The following ADAMTS20 variants were observed in gnomAD, a reference collection of about 807,000 sequenced individuals.
ADAMTS20 encodes ADAM metallopeptidase with thrombospondin type 1 motif 20.
A neutral mutation model predicts 260.1 loss-of-function variants in ADAMTS20; 225 were observed. The observed-to-expected ratio is 0.87, with a 90% CI of 0.78 to 0.97. ADAMTS20 has a LOEUF of 0.97. Ranked by LOEUF, ADAMTS20 falls within the 50% of genes least tolerant of loss-of-function variation. The probability of loss-of-function intolerance (pLI) is 0.00; values close to 1 mark genes in which losing one functional copy is unlikely to be tolerated. For missense variants in ADAMTS20, 2,400 were observed against 2,337.7 expected (o/e 1.03, Z -0.55); for synonymous variants, 802 against 769.5 (o/e 1.04, Z -0.70).
At chr12:43,401,268 T>A (rs1940804424) in intron 28 of ADAMTS20, among the ~76,000 whole-genome samples, 2 of 151,984 alleles carry the variant, frequency 1.3e-5, no homozygotes, top group Admixed American at 1.3e-4. Flanking sequence ...ATATGACTTA[T>A]CTAGACATTG....
chr12:43,421,854 A>T (rs1290468944), intron 28 of ADAMTS20, among the ~76,000 whole-genome samples: 3 of 152,114 alleles, frequency 2.0e-5, no homozygotes, highest in Non-Finnish European at 4.4e-5. Flanking sequence ...TTATGAAAAC[A>T]TATACTATTC....
At chr12:43,536,493 G>T (rs1228631706) in intron 2 of ADAMTS20, among the ~76,000 whole-genome samples, 2 of 135,142 alleles carry the variant, frequency 1.5e-5, no homozygotes, top group Admixed American at 1.4e-4. Flanking sequence ...AATAGAATAT[G>T]CAATAAGTGC....
intron 3 of ADAMTS20, among the ~76,000 whole-genome samples, chr12:43,515,225 G>A (rs1942982003): frequency 6.6e-6 from 1 of 152,074 alleles, no homozygotes; most frequent in Non-Finnish European, 1.5e-5. Context: ...AAATACAAAG[G>A]TAATTCAAAG....
At chr12:43,538,867 T>C (rs999412356) in intron 2 of ADAMTS20, among the ~76,000 whole-genome samples, 1 of 152,052 alleles carries the variant, frequency 6.6e-6, no homozygotes. Context: ...GAAATGAACA[T>C]TTTTGTAACA....
intron 28 of ADAMTS20, among the ~76,000 whole-genome samples, chr12:43,419,466 A>C (rs773501069): frequency 2.6e-5 from 4 of 152,192 alleles, no homozygotes; most frequent in Admixed American, 6.5e-5. Context: ...ACTAATATTA[A>C]GAATGCTTAT....
intron 3 of ADAMTS20, among the ~76,000 whole-genome samples, chr12:43,515,815 G>GA (rs1299966484): frequency 1.3e-5 from 2 of 152,064 alleles, no homozygotes; most frequent in African/African-American, 4.8e-5. Flanking sequence ...ACAAAAGTAG[G>GA]AAAAAATCAA....
chr12:43,399,357 C>A, intron 28 of ADAMTS20, 124 bp from the exon 29 acceptor site: 1 of 834,780 alleles, frequency 1.2e-6, no homozygotes, highest in South Asian at 3.1e-5. Flanking sequence ...AAGATATGCT[C>A]TAGTATTTCT....
chr12:43,468,040 C>A (rs1453562956), intron 8 of ADAMTS20, among the ~76,000 whole-genome samples: 1 of 152,046 alleles, frequency 6.6e-6, no homozygotes, highest in African/African-American at 2.4e-5. Flanking sequence ...GGCCTCTATT[C>A]TTACAACACA....
At chr12:43,355,328 T>C (rs7132939) in intron 38 of ADAMTS20, among the ~76,000 whole-genome samples, 3,432 of 152,322 alleles carry the variant, frequency 0.023, 58 homozygotes, top group East Asian at 0.085. Flanking sequence ...TTTGCATTTC[T>C]GTAAGTATAT....
intron 14 of ADAMTS20, among the ~76,000 whole-genome samples, chr12:43,447,577 T>C (rs1783720249): frequency 6.6e-6 from 1 of 152,088 alleles, no homozygotes; most frequent in African/African-American, 2.4e-5. Context: ...CCTTGAAAAC[T>C]GGCAGAAGAC....
chr12:43,454,375 T>C (rs1289343518), intron 11 of ADAMTS20, among the ~76,000 whole-genome samples: 2 of 152,166 alleles, frequency 1.3e-5, no homozygotes, highest in African/African-American at 2.4e-5. Context: ...ATATGGTATA[T>C]TTCCATCCTT....
chr12:43,443,335 G>A (rs1163842816), intron 16 of ADAMTS20, among the ~76,000 whole-genome samples: 3 of 152,076 alleles, frequency 2.0e-5, no homozygotes, highest in Non-Finnish European at 2.9e-5. Flanking sequence ...ATATAAAAAT[G>A]TGAAACCACA....
At chr12:43,417,924 T>C (rs563164294) in intron 28 of ADAMTS20, among the ~76,000 whole-genome samples, 9 of 152,220 alleles carry the variant, frequency 5.9e-5, no homozygotes, top group Admixed American at 1.3e-4. Flanking sequence ...GGAAGATATA[T>C]GAACTCTATC....
chr12:43,396,357 T>C lies in ADAMTS20; in HGVS notation c.4452+2709A>G, dbSNP rs1192830865. Among the ~76,000 whole-genome samples the C allele has an allele frequency of 5.9e-5, 9 of 152,320 alleles. No individual in the cohort carries two copies. The South Asian group carries it at 1.0e-3, about 18-fold the overall frequency. ...AAATTATTTTAAGAGTGAGTGATTA[T>C]ATTAAGGTAATGTTACAATTTATAC... On this transcript the variant is annotated intron_variant, in intron 29 of 38. Coordinates refer to ENST00000389420, the MANE Select transcript of ADAMTS20 (RefSeq NM_025003.5).
At chr12:43,356,453 C>G in intron 38 of ADAMTS20, 31 bp downstream of exon 38, 1 of 1,454,894 alleles carries the variant, frequency 6.9e-7, no homozygotes, top group Non-Finnish European at 9.5e-7. Context: ...AGAAGTATTT[C>G]AAACAGGCTT....
intron 29 of ADAMTS20, among the ~76,000 whole-genome samples, chr12:43,385,663 A>T (rs1940456994): frequency 2.0e-5 from 3 of 152,198 alleles, no homozygotes; most frequent in African/African-American, 2.4e-5. Flanking sequence ...AGTTTTCTGC[A>T]TATGGCTAGC....
intron 6 of ADAMTS20, among the ~76,000 whole-genome samples, chr12:43,492,208 G>A (rs973517621): frequency 6.6e-6 from 1 of 151,712 alleles, no homozygotes; most frequent in African/African-American, 2.4e-5. Context: ...GTGAAACCCC[G>A]TCTCTACTAA....
chr12:43,511,541 G>A, intron 3 of ADAMTS20, among the ~76,000 whole-genome samples: 1 of 152,046 alleles, frequency 6.6e-6, no homozygotes. Context: ...GAGAGAGATA[G>A]AAAGAAGAAA....
intron 3 of ADAMTS20, among the ~76,000 whole-genome samples, chr12:43,511,385 T>C (rs1942922189): frequency 6.6e-6 from 1 of 151,988 alleles, no homozygotes; most frequent in South Asian, 2.1e-4. Flanking sequence ...AGCCCACCCC[T>C]AAACACAGTC....
Sources: gnomAD v4.1 joint callset for allele counts (sites outside exome capture counted in the v4.1 genomes callset) on GRCh38, gnomAD v4.1.1 for gene constraint, MANE v1.5 for transcripts, NCBI Gene and HGNC (gene_info 2026-07-23, HGNC 2026-07-21) for gene names.